The following AKT3 variants were observed in gnomAD, a reference collection of about 807,000 sequenced individuals.
AKT3 encodes the protein AKT serine/threonine kinase 3, also known as RAC-gamma serine/threonine-protein kinase.
Under a neutral mutation model 65.3 loss-of-function variants are expected in AKT3, and 15 were observed. The ratio of observed to expected loss-of-function variants is 0.23; its 90% confidence interval spans 0.15 to 0.35. AKT3 has a LOEUF of 0.35. Among genes scored for constraint, AKT3 ranks in the 10% least tolerant of loss-of-function variants. The pLI is 1.00. For missense variants in AKT3, 243 were observed against 576.5 expected (o/e 0.42, Z 5.92); for synonymous variants, 206 against 183.8 (o/e 1.12, Z -0.98).
chr1:243,572,928 TGA>T lies in AKT3; in HGVS notation c.815_816del (p.Leu272GlnfsTer49). The T allele has an allele frequency of 6.3e-7, 1 of 1,599,256 alleles. No homozygotes were observed. The highest frequency in any genetic ancestry group is 1.4e-5 in the African/African-American group (1 of 73,796). On this transcript the variant is annotated frameshift_variant, in exon 9 of 14. Coordinates refer to ENST00000673466, the MANE Select transcript of AKT3 (RefSeq NM_005465.7). LOFTEE classifies it high-confidence loss of function. ...LHSGKIVYRD[L>X]KLENLMLDKD... ...GATTACTTTTTTTTTTTTTTTACCT[TGA>T]GATCACGGTACACAATCTTTCCGGA...
At chr1:243,728,786 A>G (rs1687368574) in intron 2 of AKT3, among the ~76,000 whole-genome samples, 1 of 152,260 alleles carries the variant, frequency 6.6e-6, no homozygotes, top group Non-Finnish European at 1.5e-5. Flanking sequence ...ACTCTAAGGC[A>G]AGAGTCATAT....
chr1:243,523,144 G>T (rs1400406686), intron 12 of AKT3, among the ~76,000 whole-genome samples: 1 of 152,102 alleles, frequency 6.6e-6, no homozygotes, highest in East Asian at 1.9e-4. Flanking sequence ...TATTTATCCA[G>T]AGCTACTATG....
At chr1:243,546,328 T>C (rs112073739) in intron 11 of AKT3, among the ~76,000 whole-genome samples, 1 of 152,048 alleles carries the variant, frequency 6.6e-6, no homozygotes, top group Non-Finnish European at 1.5e-5. Flanking sequence ...GGACTAATAA[T>C]AGGTAAAGAA....
intron 3 of AKT3, among the ~76,000 whole-genome samples, chr1:243,688,908 CT>C (rs1684511064): frequency 6.6e-6 from 1 of 152,018 alleles, no homozygotes; most frequent in African/African-American, 2.4e-5. Flanking sequence ...CTCCTTAATA[CT>C]TGCCTTCATT....
intron 10 of AKT3, among the ~76,000 whole-genome samples, chr1:243,561,658 C>T (rs1673791864): frequency 6.6e-6 from 1 of 152,168 alleles, no homozygotes; most frequent in South Asian, 2.1e-4. Flanking sequence ...TAGTTACCCT[C>T]ACACATCAAA....
rs1046014228 is a variant in AKT3, at chr1:243,819,071, C to T, written c.46+24054G>A. ...CCGATGCCACCAGGGCCTTGCGTGCCAAGCGCAGAGCTGTGCAGATGTTTG... is the reference window on the plus strand; with the variant it reads ...CCGATGCCACCAGGGCCTTGCGTGCTAAGCGCAGAGCTGTGCAGATGTTTG... On this transcript the variant is annotated intron_variant, in intron 2 of 13. Transcript: ENST00000673466. Among the ~76,000 whole-genome samples the T allele has an allele frequency of 4.6e-5, 7 of 152,240 alleles. No homozygotes were observed. In the South Asian group the frequency reaches 8.3e-4, roughly 18 times the overall value.
chr1:243,544,745 C>T (rs111402297), intron 12 of AKT3, among the ~76,000 whole-genome samples: 5 of 148,074 alleles, frequency 3.4e-5, no homozygotes, highest in African/African-American at 1.2e-4. Context: ...ACTCTGTCAT[C>T]CAGGCTGGAG....
intron 2 of AKT3, among the ~76,000 whole-genome samples, chr1:243,783,804 C>T (rs1298955554): frequency 1.3e-5 from 2 of 152,010 alleles, no homozygotes; most frequent in African/African-American, 2.4e-5. Flanking sequence ...CGAGTTTATA[C>T]AATTGATAAT....
intron 12 of AKT3, among the ~76,000 whole-genome samples, chr1:243,518,298 A>G (rs1574521452): frequency 6.6e-6 from 1 of 152,212 alleles, no homozygotes; most frequent in African/African-American, 2.4e-5. Flanking sequence ...AAGACCCTAC[A>G]TTATGTATAT....
chr1:243,629,770 C>T (rs574631548), intron 6 of AKT3, among the ~76,000 whole-genome samples: 4 of 152,140 alleles, frequency 2.6e-5, no homozygotes, highest in Non-Finnish European at 4.4e-5. Context: ...CCAGCCTGGG[C>T]GACTGAGTGA....
intron 3 of AKT3, among the ~76,000 whole-genome samples, chr1:243,684,078 C>T (rs544549474): frequency 6.6e-6 from 1 of 152,018 alleles, no homozygotes; most frequent in South Asian, 2.1e-4. Flanking sequence ...GTCTCTGATC[C>T]AATGGTGTTA....
At chr1:243,601,841 T>C (rs1419415518) in intron 8 of AKT3, among the ~76,000 whole-genome samples, 2 of 152,206 alleles carry the variant, frequency 1.3e-5, no homozygotes, top group Admixed American at 1.3e-4. Context: ...ATTATAGTTT[T>C]TGATATTTAA....
At chr1:243,615,277 A>G in intron 6 of AKT3, 116 bp from the exon 7 acceptor site, 1 of 682,392 alleles carries the variant, frequency 1.5e-6, no homozygotes, top group Non-Finnish European at 2.3e-6. Context: ...GGATTTTAAA[A>G]CACAGTGGCA....
intron 2 of AKT3, among the ~76,000 whole-genome samples, chr1:243,832,919 A>G (rs1034747868): frequency 4.6e-5 from 7 of 152,220 alleles, no homozygotes; most frequent in Admixed American, 6.5e-5. Flanking sequence ...GTTATGGACC[A>G]AAACATCATT....
At chr1:243,744,631 T>C (rs12758443) in intron 2 of AKT3, among the ~76,000 whole-genome samples, 72,575 of 145,054 alleles carry the variant, frequency 0.5, 21,106 homozygotes, top group Non-Finnish European at 0.66. Context: ...CCCAGCTACT[T>C]GGGAGGCTGA....
intron 2 of AKT3, among the ~76,000 whole-genome samples, chr1:243,796,657 C>A (rs1692029117): frequency 6.6e-6 from 1 of 152,144 alleles, no homozygotes; most frequent in Admixed American, 6.5e-5. Flanking sequence ...ATTGCTATCT[C>A]AGGGCCTTTG....
At chr1:243,837,278 G>GAA (rs1169433137) in intron 2 of AKT3, among the ~76,000 whole-genome samples, 2 of 152,078 alleles carry the variant, frequency 1.3e-5, no homozygotes, top group Non-Finnish European at 2.9e-5. Context: ...GACACAAGAG[G>GAA]AAATAGAAAA....
chr1:243,524,006 G>C (rs975063199), intron 12 of AKT3, among the ~76,000 whole-genome samples: 1 of 152,158 alleles, frequency 6.6e-6, no homozygotes, highest in African/African-American at 2.4e-5. Flanking sequence ...AAGCCTAGAT[G>C]GTGTAACCTA....
intron 2 of AKT3, among the ~76,000 whole-genome samples, chr1:243,820,578 C>T (rs984595376): frequency 6.6e-6 from 1 of 152,100 alleles, no homozygotes; most frequent in African/African-American, 2.4e-5. Context: ...GAGCTGTTAA[C>T]CAGAATAACC....
Sources: gnomAD v4.1 joint callset for allele counts (sites outside exome capture counted in the v4.1 genomes callset) on GRCh38, gnomAD v4.1.1 for gene constraint, MANE v1.5 for transcripts, NCBI Gene and HGNC (gene_info 2026-07-23, HGNC 2026-07-21) for gene names.